GRM8: variants seen among roughly 807,000 people sequenced by gnomAD.
The protein encoded by GRM8 is glutamate metabotropic receptor 8, also known as metabotropic glutamate receptor 8.
GRM8 carries 47 observed loss-of-function variants against 87.2 expected under a neutral mutation model. The ratio of observed to expected loss-of-function variants is 0.54; its 90% CI spans 0.43 to 0.69. The LOEUF is 0.69. GRM8 is among the 30% of genes least tolerant of loss of function. The pLI is 0.00. For synonymous variants in GRM8, 396 were observed against 404.5 expected (o/e 0.98, Z 0.25); for missense variants, 1,019 against 1,139.2 (o/e 0.89, Z 1.52).
intron 7 of GRM8, among the ~76,000 whole-genome samples, chr7:126,738,262 G>A (rs980484297): frequency 1.3e-5 from 2 of 152,068 alleles, no homozygotes; most frequent in Non-Finnish European, 2.9e-5. Context: ...CTGTAAGCAA[G>A]AGGAAAGTAT....
chr7:127,121,872 T>G (rs1191529755), intron 2 of GRM8, among the ~76,000 whole-genome samples: 1 of 152,038 alleles, frequency 6.6e-6, no homozygotes, highest in Non-Finnish European at 1.5e-5. Flanking sequence ...GGACTACAAT[T>G]CCACATGGGA....
rs57701708 is a variant in GRM8, at chr7:126,477,148, C to G, written c.2431-30776G>C. On this transcript the variant is annotated intron_variant, in intron 9 of 10. Coordinates refer to ENST00000339582, the MANE Select transcript of GRM8 (RefSeq NM_000845.3). ...GTGAAGTAAGGCAGACATAGAAAAACAAATATTGCATTATCCCACTTATAT... is the reference window on the plus strand; with the variant it reads ...GTGAAGTAAGGCAGACATAGAAAAAGAAATATTGCATTATCCCACTTATAT... Among the ~76,000 whole-genome samples, 665 of 152,156 alleles carry G rather than the reference C, an allele frequency of 4.4e-3. 2 individuals carry two copies. The highest frequency in any genetic ancestry group is 0.015 in the African/African-American group (642 of 41,542).
At chr7:126,809,349 A>G (rs972471859) in intron 6 of GRM8, among the ~76,000 whole-genome samples, 78 of 152,182 alleles carry the variant, frequency 5.1e-4, no homozygotes, top group Non-Finnish European at 2.2e-4. Context: ...TATTCTGCTT[A>G]CCACAACATT....
chr7:126,730,408 G>A (rs532007116), intron 7 of GRM8, among the ~76,000 whole-genome samples: 1 of 152,284 alleles, frequency 6.6e-6, no homozygotes, highest in African/African-American at 2.4e-5. Context: ...GTCAATTTTT[G>A]CCACAGTGAA....
intron 3 of GRM8, among the ~76,000 whole-genome samples, chr7:127,010,076 G>C (rs1814729654): frequency 6.6e-6 from 1 of 151,820 alleles, no homozygotes; most frequent in African/African-American, 2.4e-5. Context: ...CTCCTGACCT[G>C]AAGTGATCCG....
intron 2 of GRM8, among the ~76,000 whole-genome samples, chr7:127,136,722 A>G (rs1056250333): frequency 6.6e-6 from 1 of 151,940 alleles, no homozygotes; most frequent in African/African-American, 2.4e-5. Flanking sequence ...AGACGTCTCT[A>G]CAAAGAGTAA....
intron 6 of GRM8, among the ~76,000 whole-genome samples, chr7:126,814,090 G>A (rs1285140332): frequency 1.3e-5 from 2 of 151,978 alleles, no homozygotes; most frequent in Admixed American, 6.6e-5. Flanking sequence ...ATCTATCTAT[G>A]AACTGGTAAC....
intron 6 of GRM8, among the ~76,000 whole-genome samples, chr7:126,854,792 C>T (rs1261204864): frequency 6.6e-6 from 1 of 152,164 alleles, no homozygotes; most frequent in Non-Finnish European, 1.5e-5. Flanking sequence ...AGTGAATATT[C>T]CTTAAGGGTA....
At chr7:126,582,435 C>CA (rs1439367186) in intron 8 of GRM8, among the ~76,000 whole-genome samples, 3 of 152,104 alleles carry the variant, frequency 2.0e-5, no homozygotes, top group African/African-American at 7.2e-5. Flanking sequence ...ACCTCTATAA[C>CA]ATAAAAGGGC....
intron 3 of GRM8, among the ~76,000 whole-genome samples, chr7:127,015,043 G>C (rs906605113): frequency 1.6e-5 from 2 of 124,030 alleles, no homozygotes; most frequent in African/African-American, 5.8e-5. Context: ...AGAAGAAGAA[G>C]AAGAAGAAGA....
chr7:126,502,436 A>G (rs967704102), intron 9 of GRM8, among the ~76,000 whole-genome samples: 1 of 152,098 alleles, frequency 6.6e-6, no homozygotes, highest in African/African-American at 2.4e-5. Flanking sequence ...CCGATTGCTT[A>G]GTTCTCCCTC....
intron 3 of GRM8, among the ~76,000 whole-genome samples, chr7:126,966,459 AT>A (rs1222578355): frequency 6.6e-6 from 1 of 152,108 alleles, no homozygotes; most frequent in Non-Finnish European, 1.5e-5. Flanking sequence ...GTTGTTTGCA[AT>A]TATTTCACCT....
At chr7:126,787,853 C>T (rs1438274364) in intron 6 of GRM8, among the ~76,000 whole-genome samples, 2 of 152,048 alleles carry the variant, frequency 1.3e-5, no homozygotes, top group African/African-American at 2.4e-5. Context: ...GTAAATTCTA[C>T]TGAAATGTAA....
At chr7:126,490,935 A>G (rs1411863603) in intron 9 of GRM8, among the ~76,000 whole-genome samples, 2 of 152,094 alleles carry the variant, frequency 1.3e-5, no homozygotes, top group Non-Finnish European at 2.9e-5. Flanking sequence ...TTCTTTACAG[A>G]ATCCTGAATG....
intron 6 of GRM8, among the ~76,000 whole-genome samples, chr7:126,850,558 G>T (rs1210611979): frequency 6.6e-6 from 1 of 152,178 alleles, no homozygotes; most frequent in Non-Finnish European, 1.5e-5. Context: ...TTAGGATTTG[G>T]TTGGATGATT....
At chr7:127,198,910 G>A (rs763550336) in intron 2 of GRM8, among the ~76,000 whole-genome samples, 7 of 149,650 alleles carry the variant, frequency 4.7e-5, no homozygotes, top group African/African-American at 9.9e-5. Context: ...GCGCAATCTC[G>A]GCTCACTGCA....
chr7:126,554,454 G>A (rs1326465640), intron 8 of GRM8, among the ~76,000 whole-genome samples: 1 of 151,588 alleles, frequency 6.6e-6, no homozygotes, highest in Non-Finnish European at 1.5e-5. Context: ...TTAGCCTGAT[G>A]TGGTAGCACA....
chr7:127,074,503 T>C (rs1395978829), intron 3 of GRM8, among the ~76,000 whole-genome samples: 2 of 152,082 alleles, frequency 1.3e-5, no homozygotes, highest in African/African-American at 4.8e-5. Context: ...AGGTGATGAG[T>C]CTCAGCTTTG....
chr7:127,020,504 AT>A (rs1289226778), intron 3 of GRM8, among the ~76,000 whole-genome samples: 1 of 152,010 alleles, frequency 6.6e-6, no homozygotes, highest in Admixed American at 6.6e-5. Flanking sequence ...CTTTCTGACT[AT>A]TTCACTTCTT....
Sources: gnomAD v4.1 joint callset for allele counts (sites outside exome capture counted in the v4.1 genomes callset) on GRCh38, gnomAD v4.1.1 for gene constraint, MANE v1.5 for transcripts, NCBI Gene and HGNC (gene_info 2026-07-23, HGNC 2026-07-21) for gene names.